The following PDS5B variants were observed in gnomAD, a reference collection of about 807,000 sequenced individuals.
PDS5B encodes PDS5 cohesin associated factor B.
A neutral mutation model predicts 184.1 loss-of-function variants in PDS5B; 51 were observed. That is an observed-to-expected ratio of 0.28 (90% confidence interval 0.22 to 0.35). The LOEUF is 0.35. Among genes scored for constraint, PDS5B ranks in the 10% least tolerant of loss-of-function variants. PDS5B has a pLI of 1.00. For synonymous variants in PDS5B, 566 were observed against 569.2 expected (o/e 0.99, Z 0.08); for missense variants, 1,180 against 1,723.3 (o/e 0.68, Z 5.58).
chr13:32,746,242 C>A, intron 24 of PDS5B, 142 bp downstream of exon 24: 1 of 690,384 alleles, frequency 1.4e-6, no homozygotes, highest in Non-Finnish European at 2.4e-6. Context: ...AGAAACATTT[C>A]AGAGTTCTGA....
intron 1 of PDS5B, among the ~76,000 whole-genome samples, chr13:32,646,650 A>T (rs1950235268): frequency 6.6e-6 from 1 of 151,030 alleles, no homozygotes; most frequent in African/African-American, 2.4e-5. Context: ...TTTTACTTTC[A>T]GCATGTATCC....
At chr13:32,664,812 C>T (rs961299318) in intron 6 of PDS5B, among the ~76,000 whole-genome samples, 28 of 151,280 alleles carry the variant, frequency 1.9e-4, no homozygotes, top group Admixed American at 4.6e-4. Flanking sequence ...GATCACACCA[C>T]GGCACTCCAG....
At chr13:32,663,044 T>G (rs1950690216) in intron 6 of PDS5B, among the ~76,000 whole-genome samples, 1 of 152,140 alleles carries the variant, frequency 6.6e-6, no homozygotes, top group Non-Finnish European at 1.5e-5. Context: ...AAATAGCCTA[T>G]AACCAATACA....
intron 11 of PDS5B, among the ~76,000 whole-genome samples, chr13:32,684,611 A>G (rs1951335248): frequency 6.6e-6 from 1 of 152,172 alleles, no homozygotes; most frequent in South Asian, 2.1e-4. Flanking sequence ...TTCATACTGC[A>G]TGGAATATAT....
At chr13:32,650,309 A>G (rs898155714) in intron 2 of PDS5B, 12 of 152,164 alleles carry the variant, frequency 7.9e-5, no homozygotes, top group African/African-American at 2.9e-4. Context: ...TCTAGCAGTA[A>G]TCCAGTTATA....
intron 33 of PDS5B, among the ~76,000 whole-genome samples, chr13:32,771,527 A>AG (rs11391927): frequency 0.7 from 106,460 of 151,236 alleles, 37,729 homozygotes; most frequent in African/African-American, 0.81. Context: ...TAATTACATC[A>AG]TGGCTCGACT....
At position 32,651,856 on chromosome 13, in the gene PDS5B, A is replaced by G; in HGVS notation, c.161A>G (p.Glu54Gly). Residue 54 changes from glutamate to glycine, a missense_variant, in exon 3 of 35, where the codon GAG becomes GGG. Around this residue, in one of 11 missense-constraint regions of PDS5B, gnomAD observed 22 missense variants for 79.3 expected, o/e 0.28. Coordinates refer to ENST00000315596, the MANE Select transcript of PDS5B (RefSeq NM_015032.4). ...DMDQDSEEEK[E>G]LYLNLALHLA... ...GACCAGGACTCTGAAGAAGAAAAGG[A>G]GCTTTATTTAAACCTAGCTTTACAT... 6.2e-7 allele frequency: 1 copy of G among 1,613,444 alleles called. No individual in the cohort carries two copies.
chr13:32,681,340 A>G (rs1345066163), intron 10 of PDS5B, among the ~76,000 whole-genome samples: 1 of 152,138 alleles, frequency 6.6e-6, no homozygotes, highest in Non-Finnish European at 1.5e-5. Context: ...GTGAGGCTTG[A>G]GGCTGGGCAC....
chr13:32,712,384 T>C (rs972154032), intron 19 of PDS5B, among the ~76,000 whole-genome samples: 1 of 152,234 alleles, frequency 6.6e-6, no homozygotes, highest in African/African-American at 2.4e-5. Context: ...CTGTTGTTGA[T>C]GAAATAACTC....
intron 1 of PDS5B, among the ~76,000 whole-genome samples, chr13:32,634,111 C>G (rs568572753): frequency 4.6e-4 from 70 of 152,164 alleles, no homozygotes; most frequent in Admixed American, 2.0e-4. Flanking sequence ...CTTGCAGTCC[C>G]TCATAGATTC....
In PDS5B at chr13:32,770,117, C is replaced by G. The variant is rs779543082; in HGVS notation, c.3625-4C>G. The G allele has an allele frequency of 1.2e-5, 19 of 1,571,550 alleles. No homozygotes were observed. The highest frequency in any genetic ancestry group is 1.7e-4 in the Middle Eastern group (1 of 5,850). On this transcript the variant is annotated splice_region_variant and splice_polypyrimidine_tract_variant and intron_variant, in intron 31 of 34. Transcript: ENST00000315596. ...CATAAATTGTGATTTTTTTTTTCCCCTAGTCTGAATTGGAGAAGCCTAGAG... is the reference window on the plus strand; with the variant it reads ...CATAAATTGTGATTTTTTTTTTCCCGTAGTCTGAATTGGAGAAGCCTAGAG...
chr13:32,681,723 G>A (rs185887245), intron 10 of PDS5B, among the ~76,000 whole-genome samples: 4 of 150,712 alleles, frequency 2.7e-5, no homozygotes, highest in Non-Finnish European at 4.4e-5. Flanking sequence ...TCCATTTTAC[G>A]TTTCTCCAGC....
rs151182617 is a variant in PDS5B, at chr13:32,706,865, A to G, written c.1857-69A>G. 9.9e-6 allele frequency: 9 copies of G among 911,874 alleles called. No individual in the cohort carries two copies. The Middle Eastern group carries it at 6.7e-4, about 68-fold the overall frequency. 56.5% of individuals were successfully genotyped at this position (911,874 alleles called of 1,614,324 possible). A position where few individuals can be genotyped will look rare whatever the true frequency, so the allele number is the denominator to read the frequency against. The stretch of plus-strand genomic sequence containing the variant: ...ATATATGTATGTGCACATATATGTA[A>G]CACAGGATTATTTTTCTTAGACATT... On this transcript the variant is annotated intron_variant, in intron 17 of 34. Coordinates refer to ENST00000315596, the MANE Select transcript of PDS5B (RefSeq NM_015032.4).
intron 1 of PDS5B, among the ~76,000 whole-genome samples, chr13:32,595,452 G>A (rs1399768574): frequency 6.6e-6 from 1 of 152,114 alleles, no homozygotes; most frequent in African/African-American, 2.4e-5. Context: ...GTTTATATAT[G>A]TTAATGTTAT....
At chr13:32,591,459 T>G (rs1041683466) in intron 1 of PDS5B, among the ~76,000 whole-genome samples, 1 of 152,160 alleles carries the variant, frequency 6.6e-6, no homozygotes, top group Non-Finnish European at 1.5e-5. Context: ...TTTCCTTAGT[T>G]AAGTCACAAG....
chr13:32,765,659 A>G (rs998495433), intron 31 of PDS5B, among the ~76,000 whole-genome samples: 2 of 152,166 alleles, frequency 1.3e-5, no homozygotes, highest in Admixed American at 1.3e-4. Flanking sequence ...GCTGGAGTGC[A>G]GTGGCACGAT....
chr13:32,684,521 C>G (rs765054354), intron 11 of PDS5B, among the ~76,000 whole-genome samples: 1 of 152,160 alleles, frequency 6.6e-6, no homozygotes, highest in Admixed American at 6.5e-5. Flanking sequence ...GTCCTCAAGC[C>G]AGCTTTTTTG....
chr13:32,586,668 C>G (rs1044606483), intron 1 of PDS5B, 75 bp downstream of exon 1: 3 of 151,108 alleles, frequency 2.0e-5, no homozygotes, highest in African/African-American at 7.2e-5. Flanking sequence ...TCAGCGGCCG[C>G]CACTGCCGCT....
intron 17 of PDS5B, among the ~76,000 whole-genome samples, chr13:32,704,150 T>C (rs1951939775): frequency 6.6e-6 from 1 of 152,148 alleles, no homozygotes; most frequent in Non-Finnish European, 1.5e-5. Flanking sequence ...TGGAATTTAG[T>C]GTAAGGTGGA....
Sources: allele counts gnomAD v4.1 joint callset (sites outside exome capture counted in the v4.1 genomes callset), GRCh38; gene constraint gnomAD v4.1.1; regional missense constraint gnomAD v4.1.1; transcripts MANE v1.5; gene names NCBI Gene and HGNC (gene_info 2026-07-23, HGNC 2026-07-21).